The following TRPM6 variants were observed in gnomAD, a reference collection of about 807,000 sequenced individuals.
TRPM6 encodes the protein channel kinase 2.
Under a neutral mutation model 247.6 loss-of-function variants are expected in TRPM6, and 111 were observed. The ratio of observed to expected loss-of-function variants is 0.45; its 90% CI spans 0.38 to 0.52. The LOEUF (loss-of-function observed/expected upper bound fraction) is 0.52. Ranked by LOEUF, TRPM6 falls within the 20% of genes least tolerant of loss-of-function variation. The pLI is 0.00. For missense variants in TRPM6, 2,126 were observed against 2,421.5 expected, an observed-to-expected ratio of 0.88 and a Z score of 2.56; for synonymous variants, 892 against 853.8, an observed-to-expected ratio of 1.04 and a Z score of -0.78.
At chr9:74,863,305 C>T (rs1346766305) in intron 1 of TRPM6, among the ~76,000 whole-genome samples, 2 of 151,910 alleles carry the variant, frequency 1.3e-5, no homozygotes, top group Admixed American at 1.3e-4. Flanking sequence ...CCTCGGCCTC[C>T]CAAAGTGCTA....
intron 6 of TRPM6, among the ~76,000 whole-genome samples, chr9:74,830,743 A>ATTTTT (rs1564034405): frequency 9.4e-6 from 1 of 106,234 alleles, no homozygotes; most frequent in Admixed American, 1.1e-4. Context: ...TGCCCAGCTA[A>ATTTTT]TTTTTGTTTT....
intron 1 of TRPM6, among the ~76,000 whole-genome samples, chr9:74,886,489 T>C (rs1330967157): frequency 6.6e-6 from 1 of 152,100 alleles, no homozygotes; most frequent in Admixed American, 6.5e-5. Context: ...CTAGAACATC[T>C]ATGTTCTCAG....
intron 5 of TRPM6, among the ~76,000 whole-genome samples, chr9:74,839,443 G>A (rs968550836): frequency 6.6e-6 from 1 of 152,012 alleles, no homozygotes; most frequent in Non-Finnish European, 1.5e-5. Flanking sequence ...TAAAAAAAAA[G>A]TATCTACTCA....
chr9:74,728,297 A>G lies in TRPM6; in HGVS notation c.5877T>C (p.Ile1959=). The change falls in exon 38 of 39, where the codon ATT becomes ATC. Residue 1959 remains isoleucine (I), a synonymous_variant. Coordinates refer to ENST00000360774, the MANE Select transcript of TRPM6 (RefSeq NM_017662.5). ...AATGATGTTTTGCAATGAAGTTTCT[A>G]ATTGCATCTTCCCCCAAATTGGCCG... The part of the protein sequence containing the change: ...FGPANLGEDA[I]RNFIAKHHCN... 6.2e-7 allele frequency: 1 copy of G among 1,614,168 alleles called. No individual in the cohort carries two copies. The highest frequency in any genetic ancestry group is 8.5e-7 in the Non-Finnish European group (1 of 1,180,020).
At position 74,858,601 on chromosome 9, in the gene TRPM6, C is replaced by A. The variant is rs543457599; in HGVS notation, c.113+68G>T. The A allele has an allele frequency of 3.0e-6, 3 of 986,212 alleles. No individual in the cohort carries two copies. The Admixed American group carries it at 6.6e-5, about 22-fold the overall frequency. 61.1% of individuals were successfully genotyped at this position (986,212 alleles called of 1,614,324 possible). A position where few individuals can be genotyped will look rare whatever the true frequency, so the allele number is the denominator to read the frequency against. Reference sequence around the variant, plus strand: ...CAAAACTTCTAAACAAGTCATATTTCTAAGTTTCTATAAATAGTCCATCAG... The same window carrying A: ...CAAAACTTCTAAACAAGTCATATTTATAAGTTTCTATAAATAGTCCATCAG... On this transcript the variant is annotated intron_variant, in intron 2 of 38. Transcript: ENST00000360774.
At chr9:74,852,320 T>C (rs559576952) in intron 3 of TRPM6, among the ~76,000 whole-genome samples, 1 of 151,720 alleles carries the variant, frequency 6.6e-6, no homozygotes, top group Non-Finnish European at 1.5e-5. Flanking sequence ...ATCTCCTGAG[T>C]AGCTAGGACT....
intron 23 of TRPM6, among the ~76,000 whole-genome samples, chr9:74,781,623 A>G (rs1489620509): frequency 2.0e-5 from 3 of 151,780 alleles, no homozygotes; most frequent in Non-Finnish European, 4.4e-5. Flanking sequence ...AGAGGAAAGG[A>G]GAGGAAGAAA....
intron 9 of TRPM6, among the ~76,000 whole-genome samples, chr9:74,819,111 C>A (rs1024982951): frequency 1.1e-4 from 16 of 152,048 alleles, no homozygotes; most frequent in Non-Finnish European, 2.2e-4. Context: ...AGTTCGAGAC[C>A]AGCTTGGCCA....
chr9:74,739,545 T>A (rs1484716318), intron 34 of TRPM6, 96 bp from the exon 35 acceptor site: 3 of 1,504,700 alleles, frequency 2.0e-6, no homozygotes, highest in Non-Finnish European at 2.8e-6. Context: ...ATTTTTAGCC[T>A]TATTCAACTC....
chr9:74,795,500 T>A (rs1392895666), intron 18 of TRPM6, among the ~76,000 whole-genome samples: 1 of 152,180 alleles, frequency 6.6e-6, no homozygotes, highest in Non-Finnish European at 1.5e-5. Flanking sequence ...TGCGATGCTT[T>A]ACATATACCT....
At chr9:74,878,408 A>G (rs1291298208) in intron 1 of TRPM6, among the ~76,000 whole-genome samples, 5 of 152,194 alleles carry the variant, frequency 3.3e-5, no homozygotes, top group Non-Finnish European at 7.3e-5. Context: ...TATCACCACT[A>G]GGGCCCAAGG....
At chr9:74,799,225 C>A (rs765075123) in intron 17 of TRPM6, among the ~76,000 whole-genome samples, 78 of 152,106 alleles carry the variant, frequency 5.1e-4, no homozygotes, top group Non-Finnish European at 1.0e-3. Flanking sequence ...TGGGACACAT[C>A]ATATTTTTAA....
At chr9:74,856,323 C>G (rs1486879025) in intron 2 of TRPM6, among the ~76,000 whole-genome samples, 3 of 151,914 alleles carry the variant, frequency 2.0e-5, no homozygotes, top group East Asian at 3.9e-4. Context: ...GCCTGTGGTC[C>G]CAGCTACTTG....
chr9:74,812,308 G>C lies in TRPM6; in HGVS notation c.1434C>G (p.Leu478=), dbSNP rs149186724. Residue 478 remains leucine, a synonymous_variant, in exon 12 of 39, where the codon CTC becomes CTG. Coordinates refer to ENST00000360774, the MANE Select transcript of TRPM6 (RefSeq NM_017662.5). ...AATGTTCCATACTCACTGTATTGTA[G>C]AGCTCTTCCAGTCGAGGGATGGTAA... The part of the protein sequence containing the change: ...RFLTIPRLEE[L]YNTKQGPTNT... 6.2e-7 allele frequency: 1 copy of C among 1,613,718 alleles called. No homozygotes were observed. The highest frequency in any genetic ancestry group is 2.2e-5 in the East Asian group (1 of 44,858).
chr9:74,789,455 T>A (rs1827816433), intron 19 of TRPM6, among the ~76,000 whole-genome samples: 1 of 152,246 alleles, frequency 6.6e-6, no homozygotes, highest in Non-Finnish European at 1.5e-5. Context: ...AATAGCTTTG[T>A]AATCTTACCT....
intron 35 of TRPM6, 88 bp from the exon 36 acceptor site, chr9:74,738,700 C>G: frequency 1.7e-6 from 2 of 1,144,432 alleles, no homozygotes; most frequent in Non-Finnish European, 2.6e-6. Context: ...GGGAAGATTA[C>G]CTAACTCTGG....
At chr9:74,761,852 G>A in intron 26 of TRPM6, 44 bp from the exon 27 acceptor site, 6 of 1,520,384 alleles carry the variant, frequency 3.9e-6, no homozygotes, top group Non-Finnish European at 5.5e-6. Flanking sequence ...AACAGTAAGT[G>A]GGGAACATTT....
At chr9:74,831,631 A>C (rs1398711730) in intron 6 of TRPM6, among the ~76,000 whole-genome samples, 1 of 152,268 alleles carries the variant, frequency 6.6e-6, no homozygotes, top group Non-Finnish European at 1.5e-5. Flanking sequence ...ATGGAATTGT[A>C]TGAAAAGAGG....
intron 9 of TRPM6, among the ~76,000 whole-genome samples, chr9:74,819,450 A>C (rs915330027): frequency 6.6e-6 from 1 of 152,220 alleles, no homozygotes; most frequent in Admixed American, 6.5e-5. Flanking sequence ...TCAAGGCTGC[A>C]GTGAGCTATG....
Sources: allele counts gnomAD v4.1 joint callset (sites outside exome capture counted in the v4.1 genomes callset), GRCh38; gene constraint gnomAD v4.1.1; transcripts MANE v1.5; gene names NCBI Gene and HGNC (gene_info 2026-07-23, HGNC 2026-07-21).